Variants in LDLRAD4 observed in about 807,000 individuals in gnomAD.
The protein encoded by LDLRAD4 is low-density lipoprotein receptor class A domain-containing protein 4.
Under a neutral mutation model 17.0 loss-of-function variants are expected in LDLRAD4, and 5 were observed. That is an observed-to-expected ratio of 0.29 (90% confidence interval 0.15 to 0.62). The LOEUF (loss-of-function observed/expected upper bound fraction) is 0.62, where lower values mean the gene tolerates loss of function less well. Among genes scored for constraint, LDLRAD4 ranks in the 20% least tolerant of loss-of-function variants. The pLI is 0.84. For missense variants in LDLRAD4, 340 were observed against 424.7 expected (o/e 0.80, Z 1.75); for synonymous variants, 168 against 171.8 (o/e 0.98, Z 0.17).
chr18:13,469,207 G>T (rs929922586), intron 3 of LDLRAD4, among the ~76,000 whole-genome samples: 1 of 152,148 alleles, frequency 6.6e-6, no homozygotes, highest in African/African-American at 2.4e-5. Context: ...TACCAGAGGG[G>T]TTATGATTTT....
At chr18:13,472,610 C>T (rs887239196) in intron 3 of LDLRAD4, 1 of 152,242 alleles carries the variant, frequency 6.6e-6, no homozygotes, top group African/African-American at 2.4e-5. Context: ...CCACTCCCAT[C>T]CACTCTGTCT....
intron 3 of LDLRAD4, chr18:13,490,566 C>T (rs1259175597): frequency 1.3e-5 from 2 of 152,094 alleles, no homozygotes; most frequent in Non-Finnish European, 2.9e-5. Flanking sequence ...CAAAATATCA[C>T]AGTCCAAGCC....
chr18:13,330,623 T>C (rs988177878), intron 1 of LDLRAD4, among the ~76,000 whole-genome samples: 3 of 152,218 alleles, frequency 2.0e-5, no homozygotes, highest in Admixed American at 6.5e-5. Context: ...TTATAAAATA[T>C]GTGTTTGGTC....
intron 3 of LDLRAD4, among the ~76,000 whole-genome samples, chr18:13,566,107 G>A (rs2094597926): frequency 6.6e-6 from 1 of 152,168 alleles, no homozygotes; most frequent in African/African-American, 2.4e-5. Flanking sequence ...CTGGTAGAGA[G>A]GGCAGGTGTC....
upstream of LDLRAD4, among the ~76,000 whole-genome samples, chr18:13,277,166 T>C (rs569539206): frequency 5.3e-5 from 8 of 152,258 alleles, no homozygotes; most frequent in East Asian, 1.5e-3. Flanking sequence ...TGTCTTTACA[T>C]GGGCTGATCA....
chr18:13,244,138 A>T (rs942120025), intron 1 of LDLRAD4, among the ~76,000 whole-genome samples: 65 of 21,666 alleles, frequency 3.0e-3, no homozygotes, highest in African/African-American at 0.012. Flanking sequence ...CCACCCACCC[A>T]CCCACCCATT....
At chr18:13,231,037 G>A (rs1410517603) in intron 1 of LDLRAD4, among the ~76,000 whole-genome samples, 3 of 152,210 alleles carry the variant, frequency 2.0e-5, no homozygotes, top group African/African-American at 4.8e-5. Context: ...TTATAAGAAT[G>A]GAGACTTGTA....
At chr18:13,546,781 A>G (rs1447646284) in intron 3 of LDLRAD4, among the ~76,000 whole-genome samples, 1 of 152,094 alleles carries the variant, frequency 6.6e-6, no homozygotes, top group Non-Finnish European at 1.5e-5. Context: ...GAAAGCGGTG[A>G]TCTCTGAGGA....
At chr18:13,584,172 C>T (rs1257984468) in intron 3 of LDLRAD4, among the ~76,000 whole-genome samples, 5 of 152,228 alleles carry the variant, frequency 3.3e-5, no homozygotes, top group Admixed American at 3.3e-4. Flanking sequence ...CGTCATAATG[C>T]CCTGGACTCC....
chr18:13,560,696 C>G (rs1031961353), intron 3 of LDLRAD4, among the ~76,000 whole-genome samples: 1 of 152,250 alleles, frequency 6.6e-6, no homozygotes, highest in African/African-American at 2.4e-5. Flanking sequence ...GTGAAAGGAT[C>G]TGCTGAGCTC....
intron 1 of LDLRAD4, among the ~76,000 whole-genome samples, chr18:13,383,473 G>A (rs2085542650): frequency 6.6e-6 from 1 of 152,200 alleles, no homozygotes; most frequent in African/African-American, 2.4e-5. Flanking sequence ...CTCCAGGGAG[G>A]GTTGTTTGGG....
At chr18:13,514,695 G>A (rs1383900906) in intron 3 of LDLRAD4, 1 of 152,162 alleles carries the variant, frequency 6.6e-6, no homozygotes, top group Admixed American at 6.5e-5. Flanking sequence ...TTCCACCTTG[G>A]ACAGCTGTGT....
chr18:13,435,221 A>G (rs1197523874), intron 2 of LDLRAD4, among the ~76,000 whole-genome samples: 2 of 152,198 alleles, frequency 1.3e-5, no homozygotes, highest in Non-Finnish European at 2.9e-5. Context: ...TTGGACAGAT[A>G]TTTACTGTGC....
intron 2 of LDLRAD4, among the ~76,000 whole-genome samples, chr18:13,410,930 C>T (rs944189748): frequency 6.6e-6 from 1 of 152,132 alleles, no homozygotes; most frequent in Admixed American, 6.5e-5. Flanking sequence ...TCATGGCCAC[C>T]AGAGAAGATG....
rs539408558 is a variant in LDLRAD4, at chr18:13,437,283, C to T, written c.41-961C>T. 2.0e-5 allele frequency among the ~76,000 whole-genome samples: 3 copies of T among 152,360 alleles called. No homozygotes were observed. The South Asian group carries it at 6.2e-4, about 32-fold the overall frequency. ...CTCCTCCAGAGACTCTGTCTTCCCG[C>T]TGTGTACTGAGTGGGCCGTGCTGTG... On this transcript the variant is annotated intron_variant, in intron 2 of 5. Transcript: ENST00000359446.
intron 2 of LDLRAD4, among the ~76,000 whole-genome samples, chr18:13,390,608 C>T (rs1171800749): frequency 6.6e-6 from 1 of 151,880 alleles, no homozygotes; most frequent in Non-Finnish European, 1.5e-5. Context: ...TGGCACCCAG[C>T]AGAGCAGTGT....
intron 1 of LDLRAD4, among the ~76,000 whole-genome samples, chr18:13,259,845 G>C (rs1461802121): frequency 6.6e-6 from 1 of 152,202 alleles, no homozygotes; most frequent in East Asian, 1.9e-4. Context: ...TAATGACTGA[G>C]CCCCACTGGG....
At chr18:13,246,621 G>A (rs1598880162) in intron 1 of LDLRAD4, among the ~76,000 whole-genome samples, 1 of 152,252 alleles carries the variant, frequency 6.6e-6, no homozygotes, top group Non-Finnish European at 1.5e-5. Flanking sequence ...CGGTATTGGA[G>A]TGGGCAGGAG....
At chr18:13,229,768 C>G (rs1215407906) in intron 1 of LDLRAD4, among the ~76,000 whole-genome samples, 1 of 152,226 alleles carries the variant, frequency 6.6e-6, no homozygotes, top group Non-Finnish European at 1.5e-5. Context: ...CTCAGGACGT[C>G]CACGCACTAG....
Sources: gnomAD v4.1 joint callset for allele counts (sites outside exome capture counted in the v4.1 genomes callset) on GRCh38, gnomAD v4.1.1 for gene constraint, MANE v1.5 for transcripts, NCBI Gene and HGNC (gene_info 2026-07-23, HGNC 2026-07-21) for gene names.